The following GALNT17 variants were observed in gnomAD, a reference collection of about 807,000 sequenced individuals.
GALNT17 encodes UDP-GalNAc:polypeptide N-acetylgalactosaminyltransferase-like 3.
Under a neutral mutation model 63.7 loss-of-function variants are expected in GALNT17, and 29 were observed. The observed-to-expected ratio is 0.46, with a 90% CI of 0.34 to 0.62. GALNT17 has a LOEUF of 0.62. Ranked by LOEUF, GALNT17 falls within the 20% of genes least tolerant of loss-of-function variation. The probability of loss-of-function intolerance (pLI) is 0.01; values close to 1 mark genes in which losing one functional copy is unlikely to be tolerated. For missense variants in GALNT17, 603 were observed against 799.6 expected (o/e 0.75, Z 2.97); for synonymous variants, 305 against 318.3 (o/e 0.96, Z 0.45).
intron 1 of GALNT17, among the ~76,000 whole-genome samples, chr7:71,197,935 T>A (rs897319514): frequency 6.6e-6 from 1 of 152,040 alleles, no homozygotes; most frequent in African/African-American, 2.4e-5. Context: ...CGGTGACTCA[T>A]GCCTGTAATC....
At chr7:71,479,089 A>G (rs1011663955) in intron 5 of GALNT17, among the ~76,000 whole-genome samples, 1 of 151,970 alleles carries the variant, frequency 6.6e-6, no homozygotes, top group Non-Finnish European at 1.5e-5. Context: ...CACTGCTCCC[A>G]CCTCCTCAGC....
chr7:71,360,459 C>T (rs1372615249), intron 2 of GALNT17, among the ~76,000 whole-genome samples: 1 of 151,502 alleles, frequency 6.6e-6, no homozygotes, highest in Non-Finnish European at 1.5e-5. Flanking sequence ...ACTATGGATA[C>T]CGAACTTCGG....
At chr7:71,309,335 C>G (rs1480759855) in intron 1 of GALNT17, among the ~76,000 whole-genome samples, 1 of 152,022 alleles carries the variant, frequency 6.6e-6, no homozygotes, top group African/African-American at 2.4e-5. Context: ...TACCTGCCTC[C>G]CATCTCATTC....
At chr7:71,239,765 G>T (rs537903495) in intron 1 of GALNT17, among the ~76,000 whole-genome samples, 1 of 152,262 alleles carries the variant, frequency 6.6e-6, no homozygotes, top group Non-Finnish European at 1.5e-5. Flanking sequence ...ACGAGGCTCT[G>T]GAAAACAGGT....
intron 5 of GALNT17, among the ~76,000 whole-genome samples, chr7:71,471,415 C>CA (rs944823914): frequency 1.5e-4 from 19 of 127,268 alleles, no homozygotes; most frequent in Non-Finnish European, 2.6e-4. Context: ...AAAAAAAAAA[C>CA]AAAAAAAACC....
intron 5 of GALNT17, among the ~76,000 whole-genome samples, chr7:71,450,700 A>T (rs907127886): frequency 6.6e-6 from 1 of 151,980 alleles, no homozygotes; most frequent in Non-Finnish European, 1.5e-5. Flanking sequence ...GCAACCACAA[A>T]TCTATTTTCT....
intron 1 of GALNT17, among the ~76,000 whole-genome samples, chr7:71,156,105 A>T (rs1037425106): frequency 6.6e-6 from 1 of 151,836 alleles, no homozygotes; most frequent in East Asian, 1.9e-4. Context: ...CTGAGGCAGC[A>T]GAATCCCTTG....
At chr7:71,398,257 G>A (rs1793175890) in intron 3 of GALNT17, among the ~76,000 whole-genome samples, 1 of 151,240 alleles carries the variant, frequency 6.6e-6, no homozygotes, top group South Asian at 2.1e-4. Flanking sequence ...TCTAGTTTGG[G>A]GCCTCCTAAA....
intron 5 of GALNT17, among the ~76,000 whole-genome samples, chr7:71,434,506 G>T (rs1162294537): frequency 6.6e-6 from 1 of 152,180 alleles, no homozygotes; most frequent in Non-Finnish European, 1.5e-5. Flanking sequence ...CCAAGTGAAT[G>T]CTGGCACATT....
chr7:71,225,022 G>A (rs1260733426), intron 1 of GALNT17, among the ~76,000 whole-genome samples: 4 of 152,068 alleles, frequency 2.6e-5, no homozygotes, highest in Non-Finnish European at 5.9e-5. Flanking sequence ...CACCCAGGCT[G>A]GAGGGGCTTG....
At chr7:71,384,219 A>G (rs1029417913) in intron 2 of GALNT17, among the ~76,000 whole-genome samples, 2 of 152,040 alleles carry the variant, frequency 1.3e-5, no homozygotes, top group African/African-American at 2.4e-5. Context: ...TTCTCTAATG[A>G]TTAGTGATGT....
intron 6 of GALNT17, among the ~76,000 whole-genome samples, chr7:71,585,129 T>C (rs1269465540): frequency 6.6e-6 from 1 of 152,234 alleles, no homozygotes; most frequent in Non-Finnish European, 1.5e-5. Flanking sequence ...TGATTACTTC[T>C]TCCTTTATTT....
chr7:71,212,851 T>C (rs1229684239), intron 1 of GALNT17, among the ~76,000 whole-genome samples: 2 of 152,206 alleles, frequency 1.3e-5, no homozygotes, highest in Non-Finnish European at 2.9e-5. Flanking sequence ...CCAATACCTG[T>C]ACCCCCATTG....
intron 5 of GALNT17, among the ~76,000 whole-genome samples, chr7:71,554,815 T>C (rs1439791392): frequency 6.6e-6 from 1 of 152,236 alleles, no homozygotes; most frequent in Non-Finnish European, 1.5e-5. Flanking sequence ...CTTATGTCTG[T>C]CTCTTCTGTC....
intron 1 of GALNT17, among the ~76,000 whole-genome samples, chr7:71,203,400 G>A (rs1171557930): frequency 1.3e-5 from 2 of 152,088 alleles, no homozygotes; most frequent in African/African-American, 4.8e-5. Flanking sequence ...TAATGTTATT[G>A]GACATTTTTT....
intron 6 of GALNT17, among the ~76,000 whole-genome samples, chr7:71,586,836 A>C (rs77952151): frequency 0.042 from 6,322 of 152,194 alleles, 402 homozygotes; most frequent in African/African-American, 0.14. Flanking sequence ...AGATATTTAT[A>C]GTCATAAATA....
intron 9 of GALNT17, among the ~76,000 whole-genome samples, chr7:71,703,830 G>A (rs1791686356): frequency 6.6e-6 from 1 of 152,088 alleles, no homozygotes; most frequent in Non-Finnish European, 1.5e-5. Context: ...AGAGACCGAA[G>A]GAAATGAGAG....
Position 71,711,014 on chromosome 7 carries a change from C to T in GALNT17, c.1668+86C>T. The T allele has an allele frequency of 3.3e-6, 5 of 1,511,292 alleles. No individual in the cohort carries two copies. The East Asian group carries it at 9.7e-5, about 29-fold the overall frequency. The allele number at this position is 1,511,292 out of a possible 1,614,324, so 93.6% of individuals were successfully genotyped here. A position where few individuals can be genotyped will look rare whatever the true frequency, so the allele number is the denominator to read the frequency against. On this transcript the variant is annotated intron_variant, in intron 10 of 10. Transcript: ENST00000333538. ...AGGGGAATCCTGCTTCCCCAGGGGT[C>T]CCCAGCAAAGAGCGACCCCGAACCC...
At chr7:71,161,762 C>T (rs550950683) in intron 1 of GALNT17, among the ~76,000 whole-genome samples, 25 of 152,238 alleles carry the variant, frequency 1.6e-4, no homozygotes, top group African/African-American at 5.5e-4. Flanking sequence ...ATAATGCTGC[C>T]TTTCCACCTG....
Sources: gnomAD v4.1 joint callset for allele counts (sites outside exome capture counted in the v4.1 genomes callset) on GRCh38, gnomAD v4.1.1 for gene constraint, MANE v1.5 for transcripts, NCBI Gene and HGNC (gene_info 2026-07-23, HGNC 2026-07-21) for gene names.